The following SHISA6 variants were observed in gnomAD, a reference collection of about 807,000 sequenced individuals.
SHISA6 encodes the protein protein shisa-6.
Under a neutral mutation model 47.9 loss-of-function variants are expected in SHISA6, and 22 were observed. That is an observed-to-expected ratio of 0.46 (90% CI 0.33 to 0.66). The LOEUF is 0.66. Among genes scored for constraint, SHISA6 ranks in the 30% least tolerant of loss-of-function variants. SHISA6 has a pLI of 0.02. For synonymous variants in SHISA6, 388 were observed against 337.8 expected, an observed-to-expected ratio of 1.15 and a Z score of -1.63; for missense variants, 680 against 764.6, an observed-to-expected ratio of 0.89 and a Z score of 1.30.
intron 2 of SHISA6, among the ~76,000 whole-genome samples, chr17:11,297,833 C>T (rs114920260): frequency 8.7e-4 from 133 of 152,168 alleles, no homozygotes; most frequent in African/African-American, 2.3e-3. Flanking sequence ...TGCCCTTCAG[C>T]GAAAGAAGGA....
At chr17:11,527,937 A>G (rs2071699995) in intron 3 of SHISA6, among the ~76,000 whole-genome samples, 1 of 152,202 alleles carries the variant, frequency 6.6e-6, no homozygotes, top group Non-Finnish European at 1.5e-5. Context: ...ACCACCTTGT[A>G]TGATCCAATT....
chr17:11,492,718 A>G (rs1374342344), intron 3 of SHISA6, among the ~76,000 whole-genome samples: 1 of 151,876 alleles, frequency 6.6e-6, no homozygotes, highest in South Asian at 2.1e-4. Context: ...GGCAACTGCA[A>G]CCTCCTCCCT....
At chr17:11,436,513 T>C (rs1180932910) in intron 3 of SHISA6, among the ~76,000 whole-genome samples, 1 of 152,204 alleles carries the variant, frequency 6.6e-6, no homozygotes, top group Non-Finnish European at 1.5e-5. Context: ...ATCCCTATTC[T>C]TTATCAGATC....
At chr17:11,346,269 G>A (rs542167326) in intron 2 of SHISA6, among the ~76,000 whole-genome samples, 102 of 152,194 alleles carry the variant, frequency 6.7e-4, no homozygotes, top group African/African-American at 2.4e-3. Flanking sequence ...TATTAATATG[G>A]TACATTACAT....
At position 11,388,792 on chromosome 17, in the gene SHISA6, A is replaced by C. The variant is rs1412960752; in HGVS notation, c.895+9283A>C. ...AGAACTACTGTTCAAACAAAAGTTT[A>C]TATATATATATATATATATATATAT... On this transcript the variant is annotated intron_variant, in intron 3 of 5. Transcript: ENST00000441885. Among the ~76,000 whole-genome samples the C allele has an allele frequency of 7.0e-4, 6 of 8,630 alleles. No homozygotes were observed. In the South Asian group the frequency reaches 0.012, roughly 18 times the overall value. 5.7% of individuals were successfully genotyped at this position (8,630 alleles called of 152,430 possible).
At position 11,558,925 on chromosome 17, in the gene SHISA6, AG is replaced by A. The variant is rs1244696584; in HGVS notation, c.*624del. ...GTGACCCTTCCTTTGCTGACCCCTG[AG>A]GGCCCAACCCTGGCCCTGTGCCCCT... is the stretch of plus-strand genomic sequence containing the variant. On this transcript the variant is annotated 3_prime_UTR_variant, in exon 6 of 6. Coordinates refer to ENST00000441885, the MANE Select transcript of SHISA6 (RefSeq NM_207386.4). 1 of 153,878 alleles carries A rather than the reference AG, an allele frequency of 6.5e-6. No individual in the cohort carries two copies. The highest frequency in any genetic ancestry group is 1.4e-5 in the Non-Finnish European group (1 of 69,104). The allele number at this position is 153,878 out of a possible 1,614,324, so 9.5% of individuals were successfully genotyped here. A position where few individuals can be genotyped will look rare whatever the true frequency, so the allele number is the denominator to read the frequency against.
In SHISA6 at chr17:11,311,676, A is replaced by G. The variant is rs151031903; in HGVS notation, c.799+48150A>G. 2.7e-4 allele frequency among the ~76,000 whole-genome samples: 41 copies of G among 152,234 alleles called. No individual in the cohort carries two copies. In the East Asian group the frequency reaches 6.7e-3, roughly 25 times the overall value. On this transcript the variant is annotated intron_variant, in intron 2 of 5. Coordinates refer to ENST00000441885, the MANE Select transcript of SHISA6 (RefSeq NM_207386.4). ...ACACCCATTTTATTGGCATTTTCAT[A>G]TAACTACTCTGATGAGTTTTAATCT...
At chr17:11,519,428 C>T (rs1456621399) in intron 3 of SHISA6, among the ~76,000 whole-genome samples, 2 of 152,066 alleles carry the variant, frequency 1.3e-5, no homozygotes, top group African/African-American at 2.4e-5. Context: ...TGTGATGTAT[C>T]TAGAGTAAGC....
chr17:11,327,937 CTG>C (rs1910960180), intron 2 of SHISA6, among the ~76,000 whole-genome samples: 1 of 142,804 alleles, frequency 7.0e-6, no homozygotes, highest in Admixed American at 6.8e-5. Context: ...CTCTCTCTCT[CTG>C]TCTCTCTGTC....
At chr17:11,429,050 A>G (rs1179574448) in intron 3 of SHISA6, among the ~76,000 whole-genome samples, 1 of 151,834 alleles carries the variant, frequency 6.6e-6, no homozygotes. Flanking sequence ...CGGCCTCCCA[A>G]AGTGCTAGGA....
intron 2 of SHISA6, chr17:11,289,239 A>G (rs1408119397): frequency 2.0e-5 from 3 of 151,950 alleles, no homozygotes; most frequent in Non-Finnish European, 4.4e-5. Flanking sequence ...ATTAGCATTG[A>G]TATAGTTGTC....
intron 3 of SHISA6, among the ~76,000 whole-genome samples, chr17:11,430,653 C>T (rs1567604086): frequency 6.6e-6 from 1 of 152,138 alleles, no homozygotes; most frequent in African/African-American, 2.4e-5. Context: ...CATGAGGGCT[C>T]ACCTTTACCT....
At chr17:11,472,175 A>G (rs1606584) in intron 3 of SHISA6, among the ~76,000 whole-genome samples, 40,095 of 152,014 alleles carry the variant, frequency 0.26, 5,312 homozygotes, top group Admixed American at 0.3. Flanking sequence ...TATAGTTGGA[A>G]TCATATCAGT....
At chr17:11,318,416 G>A (rs1910594692) in intron 2 of SHISA6, among the ~76,000 whole-genome samples, 1 of 152,120 alleles carries the variant, frequency 6.6e-6, no homozygotes, top group Non-Finnish European at 1.5e-5. Context: ...CAAGCCACAG[G>A]GCCTTTGCAC....
At chr17:11,309,545 A>T (rs578144875) in intron 2 of SHISA6, among the ~76,000 whole-genome samples, 2 of 152,132 alleles carry the variant, frequency 1.3e-5, no homozygotes, top group Non-Finnish European at 1.5e-5. Context: ...TTACTTTCTG[A>T]TGCTTTGATG....
chr17:11,542,674 T>C (rs142785652), intron 3 of SHISA6, among the ~76,000 whole-genome samples: 1 of 152,258 alleles, frequency 6.6e-6, no homozygotes, highest in African/African-American at 2.4e-5. Context: ...TGCCTCAAAC[T>C]GACACATTTT....
chr17:11,555,050 G>A (rs557692636), intron 4 of SHISA6, among the ~76,000 whole-genome samples: 1 of 152,140 alleles, frequency 6.6e-6, no homozygotes, highest in Admixed American at 6.6e-5. Flanking sequence ...GGAGAAAGTG[G>A]GGATGATGTG....
At chr17:11,502,334 G>A (rs1318033734) in intron 3 of SHISA6, among the ~76,000 whole-genome samples, 96 of 147,462 alleles carry the variant, frequency 6.5e-4, no homozygotes, top group African/African-American at 1.3e-3. Flanking sequence ...GCGTGAACCC[G>A]GGAGGCGGAG....
chr17:11,465,272 G>A (rs1400537289), intron 3 of SHISA6, among the ~76,000 whole-genome samples: 1 of 152,140 alleles, frequency 6.6e-6, no homozygotes, highest in Non-Finnish European at 1.5e-5. Context: ...GGGAAGCATC[G>A]GCTATAGCAA....
Sources: gnomAD v4.1 joint callset for allele counts (sites outside exome capture counted in the v4.1 genomes callset) on GRCh38, gnomAD v4.1.1 for gene constraint, MANE v1.5 for transcripts, NCBI Gene and HGNC (gene_info 2026-07-23, HGNC 2026-07-21) for gene names.